Variants in DGKB observed in about 807,000 individuals in gnomAD.
DGKB encodes the protein diacylglycerol kinase beta, also known as 90 kDa diacylglycerol kinase.
Under a neutral mutation model 114.3 loss-of-function variants are expected in DGKB, and 67 were observed. That is an observed-to-expected ratio of 0.59 (90% confidence interval 0.48 to 0.72). The LOEUF (loss-of-function observed/expected upper bound fraction) is 0.72. Ranked by LOEUF, DGKB falls within the 30% of genes least tolerant of loss-of-function variation. The pLI is 0.00. For synonymous variants in DGKB, 398 were observed against 323.1 expected (o/e 1.23, Z -2.49); for missense variants, 907 against 975.2 (o/e 0.93, Z 0.93).
intron 1 of DGKB, among the ~76,000 whole-genome samples, chr7:14,930,534 T>C (rs1784960912): frequency 6.6e-6 from 1 of 152,218 alleles, no homozygotes; most frequent in African/African-American, 2.4e-5. Flanking sequence ...ATAAAAGTGC[T>C]ACTGATTTTT....
chr7:14,620,047 AT>A (rs1269999010), intron 15 of DGKB, among the ~76,000 whole-genome samples: 1 of 151,470 alleles, frequency 6.6e-6, no homozygotes, highest in African/African-American at 2.4e-5. Flanking sequence ...TAAAATGTTG[AT>A]TTTTTTCAAT....
intron 5 of DGKB, among the ~76,000 whole-genome samples, chr7:14,719,549 T>C (rs562543325): frequency 6.1e-5 from 9 of 148,496 alleles, no homozygotes; most frequent in Non-Finnish European, 9.0e-5. Context: ...AAATAACTAA[T>C]GGGTTGAGTG....
chr7:14,547,873 A>G (rs530851849), intron 20 of DGKB, among the ~76,000 whole-genome samples: 3 of 152,318 alleles, frequency 2.0e-5, no homozygotes, highest in South Asian at 4.1e-4. Context: ...GGCTTCATCT[A>G]CATCCTGGAG....
intron 21 of DGKB, among the ~76,000 whole-genome samples, chr7:14,387,106 T>TTA (rs1820478482): frequency 2.9e-5 from 4 of 136,040 alleles, no homozygotes. Flanking sequence ...GATTATTTAT[T>TTA]TATTTATTTA....
intron 7 of DGKB, among the ~76,000 whole-genome samples, chr7:14,700,316 C>G (rs896667479): frequency 6.7e-6 from 1 of 148,406 alleles, no homozygotes; most frequent in African/African-American, 2.5e-5. Flanking sequence ...CGGGTTCAAG[C>G]GGTTCTCCTG....
chr7:14,549,590 G>T (rs1166137742), intron 20 of DGKB, among the ~76,000 whole-genome samples: 1 of 152,072 alleles, frequency 6.6e-6, no homozygotes, highest in Non-Finnish European at 1.5e-5. Context: ...TTTAAACTTT[G>T]TTGAGCGATA....
intron 21 of DGKB, among the ~76,000 whole-genome samples, chr7:14,468,606 A>G (rs1159263834): frequency 1.3e-5 from 2 of 150,698 alleles, no homozygotes; most frequent in African/African-American, 4.9e-5. Flanking sequence ...GTCAGCTTAT[A>G]AGGAACAATA....
chr7:14,562,684 T>C (rs2128674845), intron 20 of DGKB, among the ~76,000 whole-genome samples: 1 of 152,300 alleles, frequency 6.6e-6, no homozygotes, highest in Admixed American at 6.5e-5. Flanking sequence ...GGACGATTTC[T>C]CCCATTTGGA....
At chr7:14,823,542 A>C (rs1471108480) in intron 2 of DGKB, among the ~76,000 whole-genome samples, 3 of 152,186 alleles carry the variant, frequency 2.0e-5, no homozygotes, top group Admixed American at 1.3e-4. Flanking sequence ...GAAAGAGTTG[A>C]CTATCCATGC....
Position 14,296,471 on chromosome 7 carries a change from G to C in DGKB, c.2122+42044C>G, listed in dbSNP as rs1255045523. Among the ~76,000 whole-genome samples the C allele has an allele frequency of 2.0e-5, 3 of 152,136 alleles. No individual in the cohort carries two copies. The East Asian group carries it at 5.8e-4, about 29-fold the overall frequency. ...ATAGTGCTGCAATAAACATATGTGT[G>C]CATCTGTCTTTATAGTAGAACGATT... On this transcript the variant is annotated intron_variant, in intron 23 of 25. Transcript: ENST00000402815.
At position 14,147,279 on chromosome 7, in the gene DGKB, A is replaced by T. The variant is rs1003606655; in HGVS notation, c.*1852T>A. ...ATTGCTGTACTAAATTTGCAATTGT[A>T]ATCATAATTTTCCTGGGAATGCTAA... is the stretch of plus-strand genomic sequence containing the variant. On this transcript the variant is annotated 3_prime_UTR_variant, in exon 26 of 26. Transcript: ENST00000402815. 7.9e-5 allele frequency: 12 copies of T among 152,172 alleles called. No individual in the cohort carries two copies. The highest frequency in any genetic ancestry group is 1.6e-4 in the Non-Finnish European group (11 of 68,002). The allele number at this position is 152,172 out of a possible 1,614,324, so 9.4% of individuals were successfully genotyped here.
At chr7:14,161,272 A>G (rs1783843558) in intron 25 of DGKB, among the ~76,000 whole-genome samples, 1 of 152,242 alleles carries the variant, frequency 6.6e-6, no homozygotes. Context: ...TCAAGGATCT[A>G]GAACCAGAAA....
At position 14,799,482 on chromosome 7, in the gene DGKB, G is replaced by T. The variant is rs906140565; in HGVS notation, c.70+41712C>A. ...TAGTAAAACACTTGTATTTCAGAGG[G>T]TAAAAAGTAAATCTGACTAAAATTC... On this transcript the variant is annotated intron_variant, in intron 2 of 25. Coordinates refer to ENST00000402815, the MANE Select transcript of DGKB (RefSeq NM_001350709.2). Among the ~76,000 whole-genome samples, 4 of 152,196 alleles carry T rather than the reference G, an allele frequency of 2.6e-5. No individual in the cohort carries two copies. In the South Asian group the frequency reaches 6.2e-4, roughly 24 times the overall value.
intron 2 of DGKB, among the ~76,000 whole-genome samples, chr7:14,773,049 G>T (rs1388413571): frequency 2.6e-5 from 4 of 152,114 alleles, no homozygotes; most frequent in Admixed American, 2.0e-4. Context: ...TATTCCTTGT[G>T]TTTTTAACAT....
intron 23 of DGKB, among the ~76,000 whole-genome samples, chr7:14,313,927 A>G (rs1173438907): frequency 5.9e-5 from 9 of 152,230 alleles, no homozygotes; most frequent in Non-Finnish European, 1.2e-4. Flanking sequence ...GTGCGCAGCC[A>G]GAGATCTGAG....
In DGKB at chr7:14,974,219, G is replaced by A. The variant is rs548651643; in HGVS notation, c.-188+477C>T. Among the ~76,000 whole-genome samples, 10 of 152,108 alleles carry A rather than the reference G, an allele frequency of 6.6e-5. No individual in the cohort carries two copies. In the South Asian group the frequency reaches 1.0e-3, roughly 16 times the overall value. ...TACTGGCAGCTGTGCATTTGTAAAC[G>A]AGTGGTGTTTGTGATGACTAATATT... On this transcript the variant is annotated intron_variant, in intron 1 of 4. Coordinates refer to the DGKB transcript ENST00000437998.
chr7:14,264,303 A>C (rs893602241), intron 23 of DGKB, among the ~76,000 whole-genome samples: 1 of 152,208 alleles, frequency 6.6e-6, no homozygotes, highest in African/African-American at 2.4e-5. Flanking sequence ...TTTATCTGAA[A>C]TAGCCAAACC....
At chr7:14,692,647 C>T (rs1352300592) in intron 9 of DGKB, among the ~76,000 whole-genome samples, 1 of 151,032 alleles carries the variant, frequency 6.6e-6, no homozygotes, top group Non-Finnish European at 1.5e-5. Flanking sequence ...TACTATTTCA[C>T]AAAATTTTTA....
chr7:14,259,379 TTCTCTC>T (rs752185464), intron 23 of DGKB, among the ~76,000 whole-genome samples: 9,435 of 142,166 alleles, frequency 0.066, 324 homozygotes, highest in Middle Eastern at 0.12. Context: ...CTAGTAAAGT[TTCTCTC>T]TCTCTCTCTC....
Sources: allele counts gnomAD v4.1 joint callset (sites outside exome capture counted in the v4.1 genomes callset), GRCh38; gene constraint gnomAD v4.1.1; transcripts MANE v1.5; gene names NCBI Gene and HGNC (gene_info 2026-07-23, HGNC 2026-07-21).